The following DST variants were observed in gnomAD, a reference collection of about 807,000 sequenced individuals.
DST encodes dystonin.
Under a neutral mutation model 875.2 loss-of-function variants are expected in DST, and 253 were observed. The observed-to-expected ratio is 0.29, with a 90% CI of 0.26 to 0.32. The LOEUF is 0.32. DST is among the 10% of genes least tolerant of loss of function. The pLI is 1.00. For synonymous variants in DST, 3,124 were observed against 3,197.1 expected (o/e 0.98, Z 0.77); for missense variants, 8,287 against 9,111.6 (o/e 0.91, Z 3.68).
intron 4 of DST, among the ~76,000 whole-genome samples, chr6:56,845,027 TTTAGAATAATGTCTGGTGTTATATAAGG>T (rs2099805633): frequency 1.3e-5 from 2 of 152,126 alleles, no homozygotes; most frequent in Non-Finnish European, 2.9e-5. Flanking sequence ...GTAAATGAAG[TTTAGAATAATGTCTGGTGTTATATAAGG>T]ATTAGCTGCT....
At chr6:56,569,406 T>C (rs529166892) in intron 54 of DST, among the ~76,000 whole-genome samples, 1 of 150,530 alleles carries the variant, frequency 6.6e-6, no homozygotes, top group Non-Finnish European at 1.5e-5. Flanking sequence ...GGTCAAGGCA[T>C]AAGCCTTGAG....
intron 9 of DST, among the ~76,000 whole-genome samples, chr6:56,676,309 C>G (rs939750359): frequency 6.6e-6 from 1 of 152,212 alleles, no homozygotes; most frequent in Non-Finnish European, 1.5e-5. Context: ...CTCAGGTGAT[C>G]TACCTGCCTC....
intron 3 of DST, among the ~76,000 whole-genome samples, chr6:56,893,046 T>C (rs934295842): frequency 2.0e-5 from 3 of 152,220 alleles, no homozygotes; most frequent in Admixed American, 1.3e-4. Context: ...ACAGGTGGTA[T>C]TTGGTTACAT....
Position 56,635,730 on chromosome 6 carries a change from A to G in DST, c.3061-16T>C, listed in dbSNP as rs2152767563. 6.2e-7 allele frequency: 1 copy of G among 1,613,054 alleles called. No individual in the cohort carries two copies. Among genetic ancestry groups the G allele is most frequent in the Non-Finnish European group, 8.5e-7 (1 of 1,179,704 alleles). On this transcript the variant is annotated splice_polypyrimidine_tract_variant and intron_variant, in intron 23 of 103. Coordinates refer to ENST00000680361, the MANE Select transcript of DST (RefSeq NM_001374736.1). Reference sequence around the variant, plus strand: ...CATTGAAAAACTAAGGAAAGATGAAACCTGGAAGTTAAAGTATGTTAAATA... The same window carrying G: ...CATTGAAAAACTAAGGAAAGATGAAGCCTGGAAGTTAAAGTATGTTAAATA...
chr6:56,553,036 C>A lies in DST; in HGVS notation c.15756G>T (p.Gln5252His). 6.2e-7 allele frequency: 1 copy of A among 1,613,916 alleles called. No homozygotes were observed. Among genetic ancestry groups the A allele is most frequent in the African/African-American group, 1.3e-5 (1 of 75,066 alleles). Residue 5252 changes from glutamine (Q) to histidine (H), a missense_variant, in exon 61 of 104, where the codon CAG becomes CAT. Around this residue, in one of 10 missense-constraint regions of DST, gnomAD observed 1,513 missense variants for 1,677.8 expected, o/e 0.90. Coordinates refer to ENST00000680361, the MANE Select transcript of DST (RefSeq NM_001374736.1). Reference protein sequence around the residue: ...VVTDENKSLIQKVDMVTEQLH... With the variant: ...VVTDENKSLIHKVDMVTEQLH... The stretch of plus-strand genomic sequence containing the variant: ...GTTGTTCAGTGACCATGTCCACCTT[C>A]TGGATCAGTGACTTATTCTCATCTG...
At chr6:56,874,750 A>C (rs1230056523) in intron 3 of DST, among the ~76,000 whole-genome samples, 1 of 152,184 alleles carries the variant, frequency 6.6e-6, no homozygotes, top group Non-Finnish European at 1.5e-5. Context: ...TATTTAAGAG[A>C]TCTCGAAGAA....
rs180920003 is a variant in DST, at chr6:56,905,410, A to G, written c.217-4789T>C. 2.5e-3 allele frequency among the ~76,000 whole-genome samples: 383 copies of G among 152,100 alleles called. 2 individuals carry two copies. The highest frequency in any genetic ancestry group is 8.7e-3 in the African/African-American group (363 of 41,516). ...TATACCCATTGAATAGCAACTTCCT[A>G]TCTCTCCTTCCCTCCAGCCCCTGGC... On this transcript the variant is annotated intron_variant, in intron 2 of 103. Coordinates refer to ENST00000680361, the MANE Select transcript of DST (RefSeq NM_001374736.1).
At chr6:56,950,703 A>C (rs1000865037) in intron 2 of DST, among the ~76,000 whole-genome samples, 1 of 152,228 alleles carries the variant, frequency 6.6e-6, no homozygotes, top group African/African-American at 2.4e-5. Context: ...TGCATACATA[A>C]AACACATATT....
At chr6:56,850,174 T>G (rs1764346569) in intron 4 of DST, among the ~76,000 whole-genome samples, 2 of 152,108 alleles carry the variant, frequency 1.3e-5, no homozygotes. Context: ...AAGGCCTGGG[T>G]GAGACCAGCC....
At chr6:56,688,990 A>G (rs1439748696) in intron 9 of DST, among the ~76,000 whole-genome samples, 2 of 152,162 alleles carry the variant, frequency 1.3e-5, no homozygotes, top group African/African-American at 4.8e-5. Flanking sequence ...AAGGAGGGTA[A>G]ATTGCCTCAG....
Position 56,476,344 on chromosome 6 carries a change from G to A in DST, c.21676-7C>T, listed in dbSNP as rs1188711766. 6.5e-7 allele frequency: 1 copy of A among 1,542,362 alleles called. No individual in the cohort carries two copies. The highest frequency in any genetic ancestry group is 8.7e-7 in the Non-Finnish European group (1 of 1,145,870). Reference sequence around the variant, plus strand: ...GCTTTGCCCAGGCCAGCACCTGTCAGAGAAACAGAAATTTCTCTGAATTTC... The same window carrying A: ...GCTTTGCCCAGGCCAGCACCTGTCAAAGAAACAGAAATTTCTCTGAATTTC... On this transcript the variant is annotated splice_polypyrimidine_tract_variant and splice_region_variant and intron_variant, in intron 91 of 103. Transcript: ENST00000680361.
rs1204157224 is a variant in DST, at chr6:56,607,107, C to A, written c.7521G>T (p.Gln2507His). 6.2e-7 allele frequency: 1 copy of A among 1,613,148 alleles called. No individual in the cohort carries two copies. Among genetic ancestry groups the A allele is most frequent in the Admixed American group, 1.7e-5 (1 of 59,864 alleles). Residue 2507 changes from glutamine to histidine, a missense_variant, in exon 40 of 104, where the codon CAG (glutamine) becomes CAT (histidine). Physicochemically the swap from Gln to His is conservative, Grantham distance 24. Transcript: ENST00000680361. Reference protein sequence around the residue: ...NISLPGEQYGQKSLNMISSNP... With the variant: ...NISLPGEQYGHKSLNMISSNP... ...TACTAGAAATCATATTTAAAGATTT[C>A]TGTCCATACTGCTCTCCTGGTAAAC...
At chr6:56,482,356 T>TA in intron 89 of DST, 178 bp from the exon 90 acceptor site, 3 of 742,752 alleles carry the variant, frequency 4.0e-6, no homozygotes, top group Non-Finnish European at 5.8e-6. Flanking sequence ...AGAAAACACT[T>TA]AATATATTAA....
intron 55 of DST, among the ~76,000 whole-genome samples, chr6:56,564,746 A>T (rs2097624493): frequency 1.3e-5 from 2 of 152,194 alleles, no homozygotes; most frequent in Admixed American, 1.3e-4. Context: ...GATACATTCC[A>T]TCGATACCTA....
intron 53 of DST, 91 bp from the exon 54 acceptor site, chr6:56,570,103 C>T (rs1026763375): frequency 1.1e-6 from 1 of 923,250 alleles, no homozygotes; most frequent in East Asian, 2.7e-5. Flanking sequence ...AAGAAACCAT[C>T]TTCCATGTAC....
chr6:56,735,333 A>G (rs1404163440), intron 4 of DST, 44 bp from the exon 5 acceptor site: 6 of 1,075,930 alleles, frequency 5.6e-6, no homozygotes, highest in African/African-American at 1.6e-5. Flanking sequence ...GGTAAAATCT[A>G]TGAATAGATG....
chr6:56,779,344 C>T (rs1235753605), intron 4 of DST, among the ~76,000 whole-genome samples: 3 of 152,040 alleles, frequency 2.0e-5, no homozygotes, highest in African/African-American at 7.3e-5. Flanking sequence ...TGCCTGTTCA[C>T]TTTGATGGTA....
chr6:56,599,240 CT>C (rs950362614), intron 45 of DST, among the ~76,000 whole-genome samples: 123 of 152,160 alleles, frequency 8.1e-4, no homozygotes, highest in African/African-American at 2.7e-3. Context: ...GTAGTTATAG[CT>C]TTCCTATGTC....
At chr6:56,571,567 A>G (rs1450017684) in intron 53 of DST, among the ~76,000 whole-genome samples, 2 of 152,218 alleles carry the variant, frequency 1.3e-5, no homozygotes, top group Non-Finnish European at 2.9e-5. Flanking sequence ...GCTCAATCAC[A>G]AGGCCCTGTA....
Sources: allele counts gnomAD v4.1 joint callset (sites outside exome capture counted in the v4.1 genomes callset), GRCh38; gene constraint gnomAD v4.1.1; regional missense constraint gnomAD v4.1.1; transcripts MANE v1.5; gene names NCBI Gene and HGNC (gene_info 2026-07-23, HGNC 2026-07-21).